The following DENND2B variants were observed in gnomAD, a reference collection of about 807,000 sequenced individuals.
DENND2B encodes the protein DENN domain containing 2B, also known as DENN domain-containing protein 2B.
Under a neutral mutation model 116.0 loss-of-function variants are expected in DENND2B, and 32 were observed. The observed-to-expected ratio is 0.28, with a 90% confidence interval of 0.21 to 0.37. DENND2B has a LOEUF of 0.37. Among genes scored for constraint, DENND2B ranks in the 10% least tolerant of loss-of-function variants. The pLI, the probability that DENND2B is intolerant of heterozygous loss-of-function variation, is 1.00. For synonymous variants in DENND2B, 588 were observed against 583.9 expected (o/e 1.01, Z -0.10); for missense variants, 1,276 against 1,477.7 (o/e 0.86, Z 2.24).
chr11:8,695,483 T>C lies in DENND2B; in HGVS notation c.3359A>G (p.Asn1120Ser), dbSNP rs2040200242. Residue 1120 changes from asparagine to serine, a missense_variant, in exon 19 of 20, where the codon AAT becomes AGT. Transcript: ENST00000313726. ...CTTACCCAAACCTCGGAGAAACTTA[T>C]TCATTCCACTCTGCTCAGTGTCTGG... is the stretch of plus-strand genomic sequence containing the variant. ...ELPDTEQSGM[N>S]KFLRGLGNKM... 1.9e-6 allele frequency: 3 copies of C among 1,613,982 alleles called. No individual in the cohort carries two copies. The highest frequency in any genetic ancestry group is 1.1e-5 in the South Asian group (1 of 91,086).
chr11:8,699,558 C>T lies in DENND2B; in HGVS notation c.2721-168G>A, dbSNP rs78184392. On this transcript the variant is annotated intron_variant, in intron 14 of 19. Coordinates refer to ENST00000313726, the MANE Select transcript of DENND2B (RefSeq NM_213618.2). ...AAGTCCCCGCTTTCCCACTGCGTAGCGCCTCAAGGACAACAATGCTACTCT... is the reference window on the plus strand; with the variant it reads ...AAGTCCCCGCTTTCCCACTGCGTAGTGCCTCAAGGACAACAATGCTACTCT... 9.1e-3 allele frequency among the ~76,000 whole-genome samples: 1,391 copies of T among 152,252 alleles called. 19 individuals are homozygous for T. Among genetic ancestry groups the T allele is most frequent in the African/African-American group, 0.032 (1,311 of 41,538 alleles).
At chr11:8,875,792 G>C (rs933370862), upstream of DENND2B, among the ~76,000 whole-genome samples, 11 of 152,124 alleles carry the variant, frequency 7.2e-5, no homozygotes, top group East Asian at 2.1e-3. Context: ...AAAAACTTCA[G>C]AAACAGTTTA....
intron 2 of DENND2B, among the ~76,000 whole-genome samples, chr11:8,735,096 C>G: frequency 6.6e-6 from 1 of 151,780 alleles, no homozygotes; most frequent in South Asian, 2.1e-4. Context: ...CTCCGTCACT[C>G]GAATCTTGGT....
chr11:8,850,726 A>G (rs988055725), intron 3 of DENND2B, among the ~76,000 whole-genome samples: 3 of 152,256 alleles, frequency 2.0e-5, no homozygotes, highest in Non-Finnish European at 4.4e-5. Context: ...CTGCACTTCC[A>G]TGTTCATTGC....
intron 18 of DENND2B, 83 bp from the exon 19 acceptor site, chr11:8,695,632 C>G: frequency 8.7e-7 from 1 of 1,152,936 alleles, no homozygotes; most frequent in South Asian, 1.3e-5. Flanking sequence ...AACCATGGAG[C>G]ACAGATGCCA....
intron 16 of DENND2B, among the ~76,000 whole-genome samples, chr11:8,698,165 AAGG>A (rs2040773894): frequency 1.4e-5 from 2 of 144,512 alleles, no homozygotes; most frequent in Non-Finnish European, 1.5e-5. Context: ...AAAAAAAAAA[AAGG>A]GGGTAGAGCC....
At chr11:8,808,081 G>T (rs978411321) in intron 1 of DENND2B, 1 of 152,252 alleles carries the variant, frequency 6.6e-6, no homozygotes, top group African/African-American at 2.4e-5. Context: ...TCTGCCCTTG[G>T]AATTCCCACT....
intron 1 of DENND2B, among the ~76,000 whole-genome samples, chr11:8,891,390 A>G (rs1470953980): frequency 6.6e-6 from 1 of 152,228 alleles, no homozygotes; most frequent in African/African-American, 2.4e-5. Context: ...ACACATAACA[A>G]TATTAACTTT....
intron 1 of DENND2B, among the ~76,000 whole-genome samples, chr11:8,757,822 G>A (rs986107139): frequency 2.0e-5 from 3 of 152,128 alleles, no homozygotes; most frequent in Non-Finnish European, 4.4e-5. Flanking sequence ...ACCAGCTCTG[G>A]GCCAGGACCC....
chr11:8,696,600 T>C lies in DENND2B; in HGVS notation c.3119A>G (p.His1040Arg). The change falls in exon 18 of 20, where the codon CAC (histidine) becomes CGC (arginine). Residue 1040 changes from histidine (H) to arginine (R), a missense_variant. Around this residue, in one of 2 missense-constraint regions of DENND2B, gnomAD observed 420 missense variants for 631.1 expected, o/e 0.67. Coordinates refer to ENST00000313726, the MANE Select transcript of DENND2B (RefSeq NM_213618.2). The part of the protein sequence containing the change: ...FIRFFVETVG[H>R]YSLFLTQSEK... ...ACTCTGTGTCAGAAAGAGGGAGTAG[T>C]GCCCAACGGTCTCCACAAAGAACCG... The C allele has an allele frequency of 6.2e-7, 1 of 1,614,158 alleles. No homozygotes were observed. The highest frequency in any genetic ancestry group is 8.5e-7 in the Non-Finnish European group (1 of 1,180,038).
chr11:8,865,946 A>ATTTTTCTTTTTCTTTT (rs1310135450), intron 2 of DENND2B, among the ~76,000 whole-genome samples: 1 of 151,060 alleles, frequency 6.6e-6, no homozygotes, highest in African/African-American at 2.4e-5. Flanking sequence ...TTGCAGCCCT[A>ATTTTTCTTTTTCTTTT]TTTTTCTTTT....
intron 1 of DENND2B, among the ~76,000 whole-genome samples, chr11:8,751,655 TGCGA>T (rs1405361072): frequency 6.6e-6 from 1 of 152,094 alleles, no homozygotes; most frequent in Non-Finnish European, 1.5e-5. Context: ...TAACACTCAC[TGCGA>T]GGGTCCACGG....
chr11:8,902,143 C>T (rs563417024), intron 1 of DENND2B, among the ~76,000 whole-genome samples: 25 of 152,058 alleles, frequency 1.6e-4, no homozygotes, highest in Admixed American at 1.0e-3. Context: ...CTGACCAACA[C>T]GGTGAAACCC....
At position 8,730,251 on chromosome 11, in the gene DENND2B, C is replaced by CGAG. The variant is rs1196031002; in HGVS notation, c.1038_1039insCTC (p.Gly346_Glu347insLeu). The CGAG allele has an allele frequency of 1.9e-6, 3 of 1,611,464 alleles. No homozygotes were observed. The highest frequency in any genetic ancestry group is 1.7e-6 in the Non-Finnish European group (2 of 1,179,364). On this transcript the variant is annotated inframe_insertion, in exon 3 of 20. Coordinates refer to ENST00000313726, the MANE Select transcript of DENND2B (RefSeq NM_213618.2). The surrounding 1 kb of genome is among the most constrained non-coding windows in gnomAD (Gnocchi z 4.1). ...TCCCTCTCTGGGGGTGGGCCCGCCT[C>CGAG]CCCCGCAACACCAGCCACTCCGACT...
At chr11:8,808,349 G>A (rs1353600538) in intron 1 of DENND2B, 1 of 152,198 alleles carries the variant, frequency 6.6e-6, no homozygotes, top group Admixed American at 6.5e-5. Context: ...AGGCAGCTGT[G>A]GGACACAGGA....
chr11:8,704,593 T>C (rs1565647181), intron 13 of DENND2B, among the ~76,000 whole-genome samples: 1 of 152,230 alleles, frequency 6.6e-6, no homozygotes, highest in Non-Finnish European at 1.5e-5. Context: ...TGGTATGCTT[T>C]TTTGGTCAGT....
intron 2 of DENND2B, among the ~76,000 whole-genome samples, chr11:8,732,211 T>C (rs926666585): frequency 3.3e-5 from 5 of 152,386 alleles, no homozygotes; most frequent in Middle Eastern, 3.4e-3. Context: ...CAAATCCATA[T>C]GCAGATCTTG....
At chr11:8,737,604 A>C (rs1454958170) in intron 2 of DENND2B, among the ~76,000 whole-genome samples, 2 of 152,196 alleles carry the variant, frequency 1.3e-5, no homozygotes, top group Non-Finnish European at 2.9e-5. Flanking sequence ...AAAAGGAACA[A>C]AGAAATGGGA....
At chr11:8,755,260 G>A (rs2053407003) in intron 1 of DENND2B, among the ~76,000 whole-genome samples, 1 of 152,188 alleles carries the variant, frequency 6.6e-6, no homozygotes, top group African/African-American at 2.4e-5. Flanking sequence ...GGATGTGAAA[G>A]TTAAACATAT....
Sources: gnomAD v4.1 joint callset for allele counts (sites outside exome capture counted in the v4.1 genomes callset) on GRCh38, gnomAD v4.1.1 for gene constraint, gnomAD v4.1.1 regional missense constraint, Gnocchi (gnomAD v3.1) non-coding constraint, MANE v1.5 for transcripts, NCBI Gene and HGNC (gene_info 2026-07-23, HGNC 2026-07-21) for gene names.